Variants in COA1 observed in about 807,000 individuals in gnomAD.
The protein encoded by COA1 is cytochrome c oxidase assembly factor 1, also known as cytochrome c oxidase assembly factor 1 homolog.
A neutral mutation model predicts 16.0 loss-of-function variants in COA1; 13 were observed. The ratio of observed to expected loss-of-function variants is 0.81; its 90% CI spans 0.53 to 1.29. The LOEUF is 1.29. Ranked by LOEUF, COA1 falls within the 50% of genes most tolerant of loss-of-function variation. COA1 has a pLI of 0.00. For synonymous variants in COA1, 65 were observed against 65.7 expected (o/e 0.99, Z 0.05); for missense variants, 179 against 177.0 (o/e 1.01, Z -0.06).
intron 1 of COA1, among the ~76,000 whole-genome samples, chr7:43,692,448 G>A (rs543662267): frequency 2.0e-5 from 3 of 152,096 alleles, no homozygotes; most frequent in South Asian, 4.2e-4. Context: ...AGCCCAGGAG[G>A]TCAAGGCTAC....
At chr7:43,626,630 A>C (rs542697825) in intron 6 of COA1, 9 of 152,198 alleles carry the variant, frequency 5.9e-5, no homozygotes, top group Middle Eastern at 3.2e-3. Flanking sequence ...GCAAATATTT[A>C]TCTCTCTGAA....
intron 1 of COA1, among the ~76,000 whole-genome samples, chr7:43,718,645 G>A (rs2095442897): frequency 6.6e-6 from 1 of 152,094 alleles, no homozygotes; most frequent in African/African-American, 2.4e-5. Flanking sequence ...GTATGCATTG[G>A]GAGAGTTGTT....
downstream of COA1, among the ~76,000 whole-genome samples, chr7:43,634,659 G>T (rs771933874): frequency 1.5e-4 from 23 of 152,214 alleles, no homozygotes; most frequent in Non-Finnish European, 3.2e-4. Context: ...GGCAAAGAAG[G>T]TCTAGGCTCC....
Position 43,692,541 on chromosome 7 carries a change from C to A in COA1, c.-39+36888G>T, listed in dbSNP as rs749195395. The stretch of plus-strand genomic sequence containing the variant: ...TTAAAAAACAAAACAACAACAACAA[C>A]AAAAAAAAAACCACCTTCCCCAGCA... On this transcript the variant is annotated intron_variant, in intron 1 of 5. Transcript: ENST00000223336. Among the ~76,000 whole-genome samples the A allele has an allele frequency of 1.8e-3, 264 of 149,184 alleles. 1 individual carries two copies. The highest frequency in any genetic ancestry group is 2.0e-3 in the Non-Finnish European group (133 of 67,070).
intron 1 of COA1, among the ~76,000 whole-genome samples, chr7:43,686,456 G>A (rs1011053510): frequency 6.6e-6 from 1 of 151,778 alleles, no homozygotes; most frequent in Non-Finnish European, 1.5e-5. Context: ...ACAGGCGCCC[G>A]CCACTGCGCC....
intron 1 of COA1, among the ~76,000 whole-genome samples, chr7:43,673,233 GAAGAA>G (rs1462708205): frequency 1.3e-5 from 2 of 152,140 alleles, no homozygotes; most frequent in Non-Finnish European, 2.9e-5. Context: ...ACAACCTACA[GAAGAA>G]AATATGTGCA....
chr7:43,629,292 T>G (rs2153036100), intron 6 of COA1, among the ~76,000 whole-genome samples: 1 of 152,356 alleles, frequency 6.6e-6, no homozygotes, highest in East Asian at 1.9e-4. Context: ...TTCTAGGTCC[T>G]TTGCATTTCC....
chr7:43,623,973 A>C, intron 6 of COA1: 1 of 992,660 alleles, frequency 1.0e-6, no homozygotes, highest in Non-Finnish European at 1.3e-6. Context: ...TTTTTCTTGA[A>C]TCTCCTCCAA....
chr7:43,700,804 C>T (rs2094706237), intron 1 of COA1, among the ~76,000 whole-genome samples: 1 of 152,092 alleles, frequency 6.6e-6, no homozygotes, highest in Admixed American at 6.6e-5. Flanking sequence ...AAACAAACAC[C>T]TCCCTACTAG....
chr7:43,718,527 AACAT>A (rs540586754), intron 1 of COA1, among the ~76,000 whole-genome samples: 115 of 152,328 alleles, frequency 7.5e-4, no homozygotes, highest in African/African-American at 1.8e-3. Context: ...GATTTAAAAT[AACAT>A]ACAAATTTCC....
chr7:43,639,479 T>A lies in COA1; in HGVS notation c.*103A>T. ...TCCCACTGGTGGCTGGAAAACTGGG[T>A]TGCAGGAGTGTCTGTCACTGAGATG... On this transcript the variant is annotated 3_prime_UTR_variant, in exon 6 of 6. Transcript: ENST00000223336. 1.2e-6 allele frequency: 1 copy of A among 868,190 alleles called. No individual in the cohort carries two copies. The highest frequency in any genetic ancestry group is 1.9e-6 in the Non-Finnish European group (1 of 526,764). The allele number at this position is 868,190 out of a possible 1,614,324, so 53.8% of individuals were successfully genotyped here.
rs149484585 is a variant in COA1, at chr7:43,707,101, G to A, written c.-39+22328C>T. Among the ~76,000 whole-genome samples, 457 of 152,234 alleles carry A rather than the reference G, an allele frequency of 3.0e-3. 6 individuals are homozygous for A. The highest frequency in any genetic ancestry group is 0.01 in the African/African-American group (426 of 41,540). ...AGGCAGGAGAATTTCTTGAACCCAG[G>A]AGGCTGAGGTTGCAGGAGGCTGAAG... On this transcript the variant is annotated intron_variant, in intron 1 of 5. Coordinates refer to ENST00000223336, the MANE Select transcript of COA1 (RefSeq NM_018224.4).
chr7:43,668,495 C>G (rs2093030898), intron 1 of COA1, among the ~76,000 whole-genome samples: 1 of 152,088 alleles, frequency 6.6e-6, no homozygotes, highest in African/African-American at 2.4e-5. Context: ...TTTGTTTTTA[C>G]AAAAAATGAG....
At chr7:43,681,290 T>C (rs2093758830) in intron 1 of COA1, among the ~76,000 whole-genome samples, 1 of 152,234 alleles carries the variant, frequency 6.6e-6, no homozygotes, top group East Asian at 1.9e-4. Context: ...CTGTTTTCTT[T>C]TGGTCATCTT....
chr7:43,687,477 T>C (rs749311685), intron 1 of COA1, among the ~76,000 whole-genome samples: 1 of 152,136 alleles, frequency 6.6e-6, no homozygotes, highest in Non-Finnish European at 1.5e-5. Context: ...ATCCTAAAAA[T>C]TCTCTGAATA....
chr7:43,700,957 C>T (rs1192406739), intron 1 of COA1, among the ~76,000 whole-genome samples: 1 of 152,182 alleles, frequency 6.6e-6, no homozygotes, highest in African/African-American at 2.4e-5. Flanking sequence ...GCCTATCTCA[C>T]CTGCTTTCCC....
chr7:43,688,440 CTGTT>C (rs2094134164), intron 1 of COA1, among the ~76,000 whole-genome samples: 1 of 152,126 alleles, frequency 6.6e-6, no homozygotes, highest in African/African-American at 2.4e-5. Flanking sequence ...TCAGAAGCCC[CTGTT>C]TGTTTCTTCT....
At chr7:43,725,790 C>T (rs1001780396) in intron 1 of COA1, among the ~76,000 whole-genome samples, 30 of 151,558 alleles carry the variant, frequency 2.0e-4, no homozygotes, top group African/African-American at 6.3e-4. Flanking sequence ...ACCCAGGAGG[C>T]GGAGGTTGCA....
At chr7:43,713,146 T>C (rs1030405154) in intron 1 of COA1, among the ~76,000 whole-genome samples, 3 of 152,146 alleles carry the variant, frequency 2.0e-5, no homozygotes, top group Non-Finnish European at 4.4e-5. Context: ...GAAATGGGGT[T>C]TTGCCATGTT....
Sources: allele counts gnomAD v4.1 joint callset (sites outside exome capture counted in the v4.1 genomes callset), GRCh38; gene constraint gnomAD v4.1.1; transcripts MANE v1.5; gene names NCBI Gene and HGNC (gene_info 2026-07-23, HGNC 2026-07-21).